Variants in HMGA2 observed in about 807,000 individuals in gnomAD.
HMGA2 encodes high mobility group AT-hook 2, also known as high mobility group protein HMGI-C.
In HMGA2, 8 loss-of-function variants were observed where a neutral mutation model predicts 19.1. The observed-to-expected ratio is 0.42, with a 90% CI of 0.25 to 0.76. The LOEUF (loss-of-function observed/expected upper bound fraction) is 0.76. HMGA2 is among the 30% of genes least tolerant of loss of function. The pLI, the probability that HMGA2 is intolerant of heterozygous loss-of-function variation, is 0.28. For missense variants in HMGA2, 109 were observed against 136.3 expected, an observed-to-expected ratio of 0.80 and a Z score of 1.00; for synonymous variants, 60 against 48.8, an observed-to-expected ratio of 1.23 and a Z score of -0.96.
chr12:65,923,513 G>A (rs1565733767), intron 3 of HMGA2, among the ~76,000 whole-genome samples: 1 of 152,208 alleles, frequency 6.6e-6, no homozygotes, highest in Non-Finnish European at 1.5e-5. Context: ...CCCCTTGCCA[G>A]CTACAGCACT....
intron 2 of HMGA2, among the ~76,000 whole-genome samples, chr12:65,832,700 A>T (rs1336100129): frequency 1.3e-5 from 2 of 152,090 alleles, no homozygotes; most frequent in East Asian, 3.8e-4. Context: ...GGGGAAATAG[A>T]GAACTGTTAT....
chr12:65,897,249 T>C (rs995405408), intron 3 of HMGA2, among the ~76,000 whole-genome samples: 3 of 152,150 alleles, frequency 2.0e-5, no homozygotes, highest in Admixed American at 1.3e-4. Context: ...GTTACACTCT[T>C]AGTTATTTTT....
At position 65,928,138 on chromosome 12, in the gene HMGA2, C is replaced by T. The variant is rs192965674; in HGVS notation, c.250-23245C>T. Among the ~76,000 whole-genome samples, 17 of 152,184 alleles carry T rather than the reference C, an allele frequency of 1.1e-4. No individual in the cohort carries two copies. The East Asian group carries it at 3.3e-3, about 29-fold the overall frequency. On this transcript the variant is annotated intron_variant, in intron 3 of 4. Coordinates refer to ENST00000403681, the MANE Select transcript of HMGA2 (RefSeq NM_003483.6). ...AACCTAGATAGTACAGCCTACTGCA[C>T]ATCTAGGCTAAATGGTGCATCCCAT...
intron 3 of HMGA2, among the ~76,000 whole-genome samples, chr12:65,849,534 C>A (rs1336722474): frequency 6.6e-6 from 1 of 151,894 alleles, no homozygotes; most frequent in African/African-American, 2.4e-5. Context: ...TCCCTTATTC[C>A]CCTTTCATAT....
At chr12:65,877,405 G>C (rs777421646) in intron 3 of HMGA2, among the ~76,000 whole-genome samples, 1 of 152,142 alleles carries the variant, frequency 6.6e-6, no homozygotes, top group African/African-American at 2.4e-5. Flanking sequence ...GCCTTAGGAG[G>C]GGTCAAGGAG....
chr12:65,851,054 A>G (rs923429523), intron 3 of HMGA2, among the ~76,000 whole-genome samples: 1 of 152,142 alleles, frequency 6.6e-6, no homozygotes, highest in African/African-American at 2.4e-5. Flanking sequence ...AAGTGTACGT[A>G]CTTTGGGTCT....
At chr12:65,849,689 G>A (rs906235315) in intron 3 of HMGA2, among the ~76,000 whole-genome samples, 9 of 149,566 alleles carry the variant, frequency 6.0e-5, no homozygotes, top group Non-Finnish European at 1.3e-4. Context: ...TCCTAAATGA[G>A]AGTGGTCATC....
intron 3 of HMGA2, among the ~76,000 whole-genome samples, chr12:65,849,736 A>ATTTTTTTT (rs34541445): frequency 0.021 from 1,763 of 85,042 alleles, 223 homozygotes; most frequent in South Asian, 0.076. Flanking sequence ...TAGGCTCTGT[A>ATTTTTTTT]TTTTTTTTTT....
chr12:65,959,227 A>G (rs1876682794), intron 4 of HMGA2, among the ~76,000 whole-genome samples: 1 of 152,220 alleles, frequency 6.6e-6, no homozygotes, highest in Admixed American at 6.5e-5. Context: ...ACCCAAAGGT[A>G]TATATACCAC....
intron 3 of HMGA2, among the ~76,000 whole-genome samples, chr12:65,926,988 GGA>G (rs1875527649): frequency 6.6e-6 from 1 of 152,182 alleles, no homozygotes; most frequent in Non-Finnish European, 1.5e-5. Flanking sequence ...TGTAATGGGA[GGA>G]GGGTATATCA....
chr12:65,883,303 C>G (rs1873517045), intron 3 of HMGA2, among the ~76,000 whole-genome samples: 1 of 152,150 alleles, frequency 6.6e-6, no homozygotes, highest in Non-Finnish European at 1.5e-5. Context: ...ACAGATACTC[C>G]AAAAGTGCTT....
intron 3 of HMGA2, among the ~76,000 whole-genome samples, chr12:65,868,477 C>T (rs1187114303): frequency 2.6e-5 from 4 of 152,056 alleles, no homozygotes; most frequent in African/African-American, 9.7e-5. Context: ...GATTACTCTC[C>T]GGGCTTTGCT....
intron 2 of HMGA2, among the ~76,000 whole-genome samples, chr12:65,832,966 A>T (rs992652175): frequency 4.4e-4 from 67 of 152,016 alleles, no homozygotes; most frequent in Non-Finnish European, 1.2e-4. Flanking sequence ...TTTGCCTGTC[A>T]TTTGGCTTTG....
intron 3 of HMGA2, among the ~76,000 whole-genome samples, chr12:65,839,509 T>C (rs1293824786): frequency 6.6e-6 from 1 of 152,192 alleles, no homozygotes; most frequent in Non-Finnish European, 1.5e-5. Context: ...TATATGTTCC[T>C]GTTTGCCATT....
At chr12:65,850,947 G>A (rs991142140) in intron 3 of HMGA2, among the ~76,000 whole-genome samples, 2 of 152,140 alleles carry the variant, frequency 1.3e-5, no homozygotes, top group Admixed American at 6.5e-5. Flanking sequence ...TCCTTTTACG[G>A]TTCTTAGTCC....
At chr12:65,954,521 G>A (rs1876550797) in intron 4 of HMGA2, 1 of 152,158 alleles carries the variant, frequency 6.6e-6, no homozygotes, top group African/African-American at 2.4e-5. Flanking sequence ...TTCAAGAATG[G>A]CCCTTGTTGA....
At chr12:65,954,797 G>A (rs912415773) in intron 4 of HMGA2, 1 of 152,192 alleles carries the variant, frequency 6.6e-6, no homozygotes, top group African/African-American at 2.4e-5. Context: ...TCTGTAATAT[G>A]TACGTTAACT....
chr12:65,834,973 TTGTTGTAAATATTCGCATAATAG>T lies in HMGA2; in HGVS notation c.199-3543_199-3521del, dbSNP rs1870650690. ...AAATGACACTTTTAATGAGATATGA[TTGTTGTAAATATTCGCATAATAG>T]TGCTGGTAACAGTCTGAAATTTCAG... On this transcript the variant is annotated intron_variant, in intron 2 of 4. Transcript: ENST00000403681. 6.6e-5 allele frequency among the ~76,000 whole-genome samples: 10 copies of T among 152,300 alleles called. No individual in the cohort carries two copies. In the South Asian group the frequency reaches 2.1e-3, roughly 32 times the overall value.
chr12:65,938,937 G>T (rs1486841133), intron 3 of HMGA2, among the ~76,000 whole-genome samples: 1 of 151,956 alleles, frequency 6.6e-6, no homozygotes, highest in Non-Finnish European at 1.5e-5. Flanking sequence ...CAAGTCACTG[G>T]GCCCCCCAAA....
Sources: allele counts gnomAD v4.1 joint callset (sites outside exome capture counted in the v4.1 genomes callset), GRCh38; gene constraint gnomAD v4.1.1; transcripts MANE v1.5; gene names NCBI Gene and HGNC (gene_info 2026-07-23, HGNC 2026-07-21).